The following BLTP3B variants were observed in gnomAD, a reference collection of about 807,000 sequenced individuals.
BLTP3B encodes bridge-like lipid transfer protein family member 3B.
chr12:100,048,767 AGTGAGT>A, the BLTP3B span, among the ~76,000 whole-genome samples: 13 of 111,910 alleles, frequency 1.2e-4, no homozygotes, highest in South Asian at 9.7e-4. Flanking sequence ...AGAGAGTGAG[AGTGAGT>A]GTGTGTGTGT....
the BLTP3B span, among the ~76,000 whole-genome samples, chr12:100,140,061 T>A: frequency 6.6e-6 from 1 of 152,212 alleles, no homozygotes; most frequent in Admixed American, 6.5e-5. Flanking sequence ...TGTAGTGACA[T>A]CTTCATTACT....
chr12:100,120,327 C>T, the BLTP3B span, among the ~76,000 whole-genome samples: 3 of 152,008 alleles, frequency 2.0e-5, no homozygotes, highest in South Asian at 2.1e-4. Context: ...GAGCCAAGAT[C>T]GCACCACTGC....
At chr12:100,142,627 C>G in the BLTP3B span, 1 of 1,608,932 alleles carries the variant, frequency 6.2e-7, no homozygotes, top group East Asian at 2.3e-5. Flanking sequence ...TCTTGATGAT[C>G]CCGGCCATGG....
At chr12:100,085,947 A>ACTC in the BLTP3B span, among the ~76,000 whole-genome samples, 1 of 152,096 alleles carries the variant, frequency 6.6e-6, no homozygotes, top group African/African-American at 2.4e-5. Context: ...AAACATTAAT[A>ACTC]ACTTGTTTTG....
the BLTP3B span, among the ~76,000 whole-genome samples, chr12:100,094,476 GAT>G: frequency 6.6e-6 from 1 of 152,134 alleles, no homozygotes; most frequent in Admixed American, 6.6e-5. Context: ...AGGGTCAGAT[GAT>G]ATTCATTTTT....
the BLTP3B span, chr12:100,037,774 G>A: frequency 6.4e-7 from 1 of 1,571,996 alleles, no homozygotes; most frequent in Non-Finnish European, 8.6e-7. Flanking sequence ...ATAAATGGCG[G>A]GGGGATAAGA....
chr12:100,087,686 C>T, the BLTP3B span, among the ~76,000 whole-genome samples: 1 of 152,222 alleles, frequency 6.6e-6, no homozygotes, highest in South Asian at 2.1e-4. Flanking sequence ...ATTTCAGAGC[C>T]TTTTGGATTT....
the BLTP3B span, chr12:100,072,933 G>A: frequency 1.9e-6 from 2 of 1,044,030 alleles, no homozygotes; most frequent in Admixed American, 6.7e-5. Flanking sequence ...TTAATTTCCA[G>A]TGTAAACTTT....
At chr12:100,082,975 A>G in the BLTP3B span, 12 of 1,449,436 alleles carry the variant, frequency 8.3e-6, no homozygotes, top group Middle Eastern at 1.8e-4. Flanking sequence ...ATGAGATACT[A>G]AAGTGTTTAT....
chr12:100,129,573 AC>A, the BLTP3B span, among the ~76,000 whole-genome samples: 5 of 152,186 alleles, frequency 3.3e-5, no homozygotes, highest in African/African-American at 1.2e-4. Context: ...CACACAATTA[AC>A]AAAAAACAAG....
At chr12:100,058,399 C>G in the BLTP3B span, 2 of 1,612,516 alleles carry the variant, frequency 1.2e-6, no homozygotes. Context: ...AAAGAAATGC[C>G]TTTTTGCAGA....
At chr12:100,058,933 T>C in the BLTP3B span, 69 of 1,614,010 alleles carry the variant, frequency 4.3e-5, no homozygotes, top group African/African-American at 7.5e-4. Flanking sequence ...TGACCACCAT[T>C]TGTCAAAGGC....
chr12:100,100,199 G>A, the BLTP3B span, among the ~76,000 whole-genome samples: 1 of 151,892 alleles, frequency 6.6e-6, no homozygotes, highest in Admixed American at 6.6e-5. Flanking sequence ...CAGCTACTCG[G>A]GAGGCTGAGC....
chr12:100,112,241 G>A, the BLTP3B span, among the ~76,000 whole-genome samples: 25 of 152,324 alleles, frequency 1.6e-4, no homozygotes, highest in East Asian at 4.4e-3. Flanking sequence ...CAGTTTGAGA[G>A]GCCAAGGCAA....
At chr12:100,058,387 T>A in the BLTP3B span, 1 of 1,612,444 alleles carries the variant, frequency 6.2e-7, no homozygotes, top group Non-Finnish European at 8.5e-7. Context: ...AAATAGTCCA[T>A]AAAAGAAATG....
chr12:100,051,201 T>C, the BLTP3B span: 2 of 1,608,056 alleles, frequency 1.2e-6, no homozygotes, highest in Non-Finnish European at 1.7e-6. Flanking sequence ...CTGTAATTTG[T>C]AGTTGAGTTC....
At chr12:100,087,362 C>T in the BLTP3B span, among the ~76,000 whole-genome samples, 1 of 151,860 alleles carries the variant, frequency 6.6e-6, no homozygotes, top group African/African-American at 2.4e-5. Flanking sequence ...GTATACACTC[C>T]CTATATTAAT....
chr12:100,054,842 C>T, the BLTP3B span, among the ~76,000 whole-genome samples: 4 of 152,246 alleles, frequency 2.6e-5, 1 homozygote, highest in Admixed American at 2.6e-4. Flanking sequence ...CCTCTTACTA[C>T]TTCCTGGCTA....
the BLTP3B span, chr12:100,097,520 G>A: frequency 1.3e-6 from 2 of 1,590,290 alleles, no homozygotes; most frequent in South Asian, 1.2e-5. Flanking sequence ...GGAGAACACA[G>A]AGATTAACTT....
Sources: gnomAD v4.1 joint callset for allele counts (sites outside exome capture counted in the v4.1 genomes callset) on GRCh38, gnomAD v4.1.1 for gene constraint, MANE v1.5 for transcripts, NCBI Gene and HGNC (gene_info 2026-07-23, HGNC 2026-07-21) for gene names.